AFAP1L2: variants seen among roughly 807,000 people sequenced by gnomAD.
AFAP1L2 encodes actin filament associated protein 1 like 2, also known as actin filament-associated protein 1-like 2.
A neutral mutation model predicts 99.3 loss-of-function variants in AFAP1L2; 46 were observed. The observed-to-expected ratio is 0.46, with a 90% CI of 0.37 to 0.59. The LOEUF (loss-of-function observed/expected upper bound fraction) is 0.59, where lower values mean the gene tolerates loss of function less well. AFAP1L2 is among the 20% of genes least tolerant of loss of function. The pLI, the probability that AFAP1L2 is intolerant of heterozygous loss-of-function variation, is 0.00. For synonymous variants in AFAP1L2, 397 were observed against 419.1 expected, an observed-to-expected ratio of 0.95 and a Z score of 0.64; for missense variants, 959 against 1,034.9, an observed-to-expected ratio of 0.93 and a Z score of 1.01.
intron 1 of AFAP1L2, among the ~76,000 whole-genome samples, chr10:114,400,435 G>T (rs1007726281): frequency 2.0e-5 from 3 of 152,122 alleles, no homozygotes; most frequent in African/African-American, 7.2e-5. Flanking sequence ...GGGAGCTCAG[G>T]GTCAAGTACA....
At chr10:114,379,560 G>C (rs1162227029) in intron 1 of AFAP1L2, among the ~76,000 whole-genome samples, 1 of 152,254 alleles carries the variant, frequency 6.6e-6, no homozygotes, top group African/African-American at 2.4e-5. Context: ...GAATGGTAGA[G>C]ACAGGGAGGA....
intron 11 of AFAP1L2, among the ~76,000 whole-genome samples, chr10:114,304,380 A>T (rs1306016891): frequency 2.0e-5 from 3 of 152,190 alleles, no homozygotes; most frequent in Non-Finnish European, 2.9e-5. Context: ...GTTTTTACGT[A>T]CTGGGCCTAG....
At chr10:114,384,927 C>T (rs1461166119) in intron 1 of AFAP1L2, among the ~76,000 whole-genome samples, 7 of 152,188 alleles carry the variant, frequency 4.6e-5, no homozygotes, top group African/African-American at 1.2e-4. Context: ...CAGATGCCCA[C>T]CTGTGTGCCA....
chr10:114,374,925 T>C (rs1280890577), intron 1 of AFAP1L2, among the ~76,000 whole-genome samples: 1 of 151,508 alleles, frequency 6.6e-6, no homozygotes, highest in African/African-American at 2.4e-5. Context: ...GAGAAGGGAG[T>C]TTGTCATTAG....
intron 1 of AFAP1L2, among the ~76,000 whole-genome samples, chr10:114,362,637 C>T (rs1218844306): frequency 1.3e-5 from 2 of 152,148 alleles, no homozygotes; most frequent in African/African-American, 2.4e-5. Context: ...ATAAATTCCA[C>T]CTGTTTTAAA....
At chr10:114,350,244 CTCTG>C (rs1365469944) in intron 1 of AFAP1L2, among the ~76,000 whole-genome samples, 1 of 152,238 alleles carries the variant, frequency 6.6e-6, no homozygotes, top group African/African-American at 2.4e-5. Flanking sequence ...GCCACATCCA[CTCTG>C]TCTGGAACTG....
At chr10:114,333,147 G>A in intron 3 of AFAP1L2, 74 bp downstream of exon 3, 2 of 1,374,700 alleles carry the variant, frequency 1.5e-6, no homozygotes, top group Non-Finnish European at 2.1e-6. Flanking sequence ...AGAGAGGTGG[G>A]ACAGAACCAG....
In AFAP1L2 at chr10:114,308,416, C is replaced by T. The variant is rs199749527; in HGVS notation, c.967+17G>A. 358 of 1,609,950 alleles carry T rather than the reference C, an allele frequency of 2.2e-4. 1 individual carries two copies. Among genetic ancestry groups the T allele is most frequent in the South Asian group, 1.7e-3 (157 of 90,958 alleles). On this transcript the variant is annotated intron_variant, in intron 9 of 18. Transcript: ENST00000304129. ...ACAGCCTGGGACACCATTCCCCTCC[C>T]AACCACATGATGTTACCGTCTTTGG... is the stretch of plus-strand genomic sequence containing the variant.
At chr10:114,385,156 A>G (rs1187828424) in intron 1 of AFAP1L2, among the ~76,000 whole-genome samples, 2 of 152,132 alleles carry the variant, frequency 1.3e-5, no homozygotes, top group Non-Finnish European at 2.9e-5. Flanking sequence ...CCCTGTCATG[A>G]GGAACAGCAT....
intron 5 of AFAP1L2, among the ~76,000 whole-genome samples, chr10:114,316,042 C>T (rs2044083354): frequency 6.6e-6 from 1 of 152,270 alleles, no homozygotes; most frequent in South Asian, 2.1e-4. Flanking sequence ...AATCCTGTCA[C>T]TCCCAACTCC....
Position 114,295,729 on chromosome 10 carries a change from A to C in AFAP1L2, c.*313T>G. 9.1e-7 allele frequency: 1 copy of C among 1,098,058 alleles called. No homozygotes were observed. The allele number at this position is 1,098,058 out of a possible 1,614,324, so 68.0% of individuals were successfully genotyped here. A position where few individuals can be genotyped will look rare whatever the true frequency, so the allele number is the denominator to read the frequency against. ...AAAGTCTAAACAGGAGGTTTTCACT[A>C]TTTAAAAATCTTAGTAAAGCAATTG... On this transcript the variant is annotated 3_prime_UTR_variant, in exon 19 of 19. Coordinates refer to ENST00000304129, the MANE Select transcript of AFAP1L2 (RefSeq NM_001001936.3).
intron 16 of AFAP1L2, among the ~76,000 whole-genome samples, 197 bp downstream of exon 16, chr10:114,299,063 C>G (rs1165653059): frequency 6.6e-6 from 1 of 152,258 alleles, no homozygotes; most frequent in Non-Finnish European, 1.5e-5. Flanking sequence ...GAGGCTTTCT[C>G]TCTCTGTCCA....
chr10:114,332,334 T>G (rs1323607913), intron 3 of AFAP1L2, among the ~76,000 whole-genome samples: 1 of 152,132 alleles, frequency 6.6e-6, no homozygotes, highest in East Asian at 1.9e-4. Context: ...CCAGGCTTGG[T>G]GAGGGGCAGG....
chr10:114,283,201 T>C, the AFAP1L2 span, among the ~76,000 whole-genome samples: 1 of 152,120 alleles, frequency 6.6e-6, no homozygotes, highest in African/African-American at 2.4e-5. Context: ...GGTGGATTTG[T>C]TACTCCCGAT....
At chr10:114,404,651 G>A, upstream of AFAP1L2, 3 of 713,628 alleles carry the variant, frequency 4.2e-6, no homozygotes, top group Non-Finnish European at 5.8e-6. Flanking sequence ...CTGTCCCAGC[G>A]CCCCTGTCCC....
the AFAP1L2 span, chr10:114,288,981 C>T: frequency 6.2e-7 from 1 of 1,613,926 alleles, no homozygotes; most frequent in Non-Finnish European, 8.5e-7. Flanking sequence ...TGTTGGACAC[C>T]TCTGCCTCAG....
chr10:114,303,621 A>G (rs911522725), intron 11 of AFAP1L2, among the ~76,000 whole-genome samples: 5 of 152,078 alleles, frequency 3.3e-5, no homozygotes, highest in Admixed American at 2.6e-4. Flanking sequence ...CTTAGTTTCA[A>G]CTGGATTCTA....
chr10:114,286,082 C>G, the AFAP1L2 span: 14 of 1,614,124 alleles, frequency 8.7e-6, no homozygotes, highest in African/African-American at 1.3e-5. Flanking sequence ...CTCTCGGGCC[C>G]GAGTGGGTGT....
intron 4 of AFAP1L2, among the ~76,000 whole-genome samples, chr10:114,328,080 C>T (rs916948679): frequency 3.3e-5 from 5 of 152,244 alleles, no homozygotes; most frequent in Non-Finnish European, 7.3e-5. Flanking sequence ...GGCCAACAAA[C>T]ATCTGTTTCT....
Sources: allele counts gnomAD v4.1 joint callset (sites outside exome capture counted in the v4.1 genomes callset), GRCh38; gene constraint gnomAD v4.1.1; transcripts MANE v1.5; gene names NCBI Gene and HGNC (gene_info 2026-07-23, HGNC 2026-07-21).